EIF4G3: variants seen among roughly 807,000 people sequenced by gnomAD.
The protein encoded by EIF4G3 is eukaryotic translation initiation factor 4 gamma 3, also known as eIF-4-gamma 3.
In EIF4G3, 34 loss-of-function variants were observed where a neutral mutation model predicts 186.4. The ratio of observed to expected loss-of-function variants is 0.18; its 90% CI spans 0.14 to 0.24. EIF4G3 has a LOEUF of 0.24. Among genes scored for constraint, EIF4G3 ranks in the 10% least tolerant of loss-of-function variants. The probability of loss-of-function intolerance (pLI) is 1.00; values close to 1 mark genes in which losing one functional copy is unlikely to be tolerated. For missense variants in EIF4G3, 1,536 were observed against 1,948.5 expected (o/e 0.79, Z 3.99); for synonymous variants, 673 against 679.5 (o/e 0.99, Z 0.15).
chr1:21,097,536 AG>A (rs1291970204), intron 2 of EIF4G3, among the ~76,000 whole-genome samples: 1 of 152,198 alleles, frequency 6.6e-6, no homozygotes, highest in African/African-American at 2.4e-5. Flanking sequence ...ACCAAAAGGA[AG>A]GGGGCATTAG....
In EIF4G3 at chr1:21,021,165, G is replaced by A. The variant is rs976073098; in HGVS notation, c.-66-18357C>T. 2.0e-5 allele frequency among the ~76,000 whole-genome samples: 3 copies of A among 152,170 alleles called. No individual in the cohort carries two copies. The South Asian group carries it at 6.2e-4, about 32-fold the overall frequency. ...CCCCCAGTTAATTTTTGAATTTTTAGTAGACACAGTGTTTTGCCATGTTGG... is the reference window on the plus strand; with the variant it reads ...CCCCCAGTTAATTTTTGAATTTTTAATAGACACAGTGTTTTGCCATGTTGG... On this transcript the variant is annotated intron_variant, in intron 4 of 36. Transcript: ENST00000602326.
intron 4 of EIF4G3, among the ~76,000 whole-genome samples, chr1:21,043,868 CGCAAA>C (rs1557676983): frequency 4.9e-5 from 1 of 20,300 alleles, no homozygotes. Flanking sequence ...GAAACCTTGG[CGCAAA>C]AAAAAAAAAA....
intron 19 of EIF4G3, among the ~76,000 whole-genome samples, chr1:20,883,345 G>T (rs1309058358): frequency 6.6e-6 from 1 of 152,166 alleles, no homozygotes; most frequent in Non-Finnish European, 1.5e-5. Flanking sequence ...AGGGCCGGGG[G>T]TGGTGGCTCA....
At chr1:21,176,077 G>A (rs2098097798) in intron 2 of EIF4G3, 98 bp downstream of exon 2, 2 of 253,456 alleles carry the variant, frequency 7.9e-6, no homozygotes, top group East Asian at 7.9e-5. Context: ...TTTCCTGGCT[G>A]GGCTGTGGCG....
Position 20,904,876 on chromosome 1 carries a change from TG to T in EIF4G3, c.1752+6del. On this transcript the variant is annotated splice_donor_region_variant and intron_variant, in intron 15 of 36. Coordinates refer to ENST00000602326, the MANE Select transcript of EIF4G3 (RefSeq NM_001391906.1). ...GCTCTGAATATGAACTTAAGAGATTTGCTTACCTCCAATTCTGCCTCTAACA... is the reference window on the plus strand; with the variant it reads ...GCTCTGAATATGAACTTAAGAGATTTCTTACCTCCAATTCTGCCTCTAACA... 1 of 1,611,148 alleles carries T rather than the reference TG, an allele frequency of 6.2e-7. No individual in the cohort carries two copies. Among genetic ancestry groups the T allele is most frequent in the South Asian group, 1.1e-5 (1 of 90,978 alleles).
chr1:20,884,160 A>C (rs767183460), intron 19 of EIF4G3, among the ~76,000 whole-genome samples: 2 of 152,236 alleles, frequency 1.3e-5, no homozygotes, highest in Non-Finnish European at 2.9e-5. Context: ...TGGCTCTGTA[A>C]AGGAATTTTA....
intron 4 of EIF4G3, among the ~76,000 whole-genome samples, chr1:21,006,226 C>A (rs1479212961): frequency 1.3e-5 from 2 of 152,152 alleles, no homozygotes; most frequent in African/African-American, 4.8e-5. Flanking sequence ...ATGACTTATT[C>A]TAGAATAATT....
chr1:20,939,005 G>T (rs1020527928), intron 14 of EIF4G3, among the ~76,000 whole-genome samples: 1 of 151,830 alleles, frequency 6.6e-6, no homozygotes. Flanking sequence ...TACTCAGGAG[G>T]CTGAGGCAGG....
chr1:20,950,229 G>A, intron 12 of EIF4G3, 118 bp from the exon 13 acceptor site: 51 of 557,400 alleles, frequency 9.1e-5, no homozygotes, highest in South Asian at 4.1e-4. Context: ...AATTAAAAAA[G>A]GAAAGCAAGG....
intron 3 of EIF4G3, among the ~76,000 whole-genome samples, chr1:21,081,411 C>T (rs1465316270): frequency 3.3e-5 from 5 of 151,940 alleles, no homozygotes; most frequent in African/African-American, 9.7e-5. Flanking sequence ...CCAGCCTGGG[C>T]GACAGAGTGA....
chr1:20,853,698 GA>G (rs1161472105), intron 26 of EIF4G3, 21 bp from the exon 27 acceptor site: 1 of 1,553,350 alleles, frequency 6.4e-7, no homozygotes, highest in Admixed American at 1.7e-5. Flanking sequence ...CGAGGATTTA[GA>G]AAAAAATACA....
At chr1:20,906,402 T>C (rs544321132) in intron 14 of EIF4G3, among the ~76,000 whole-genome samples, 8 of 152,354 alleles carry the variant, frequency 5.3e-5, no homozygotes, top group Admixed American at 1.3e-4. Context: ...TTAGGAGTTA[T>C]AGAGTTCAGA....
At chr1:20,999,522 C>G (rs539682806) in intron 6 of EIF4G3, among the ~76,000 whole-genome samples, 33 of 152,156 alleles carry the variant, frequency 2.2e-4, no homozygotes, top group African/African-American at 7.7e-4. Flanking sequence ...AGAAAATGTC[C>G]CATTTTCAAG....
chr1:20,869,408 G>GTACC (rs1205685907), intron 20 of EIF4G3, among the ~76,000 whole-genome samples: 2 of 146,602 alleles, frequency 1.4e-5, no homozygotes, highest in African/African-American at 5.1e-5. Context: ...TGTCTCCTGA[G>GTACC]TACCTGTCTC....
intron 16 of EIF4G3, 132 bp downstream of exon 16, chr1:20,899,565 A>C: frequency 1.7e-6 from 2 of 1,172,452 alleles, no homozygotes; most frequent in Non-Finnish European, 2.4e-6. Flanking sequence ...GGGCTTGCTG[A>C]TCTGTCCTGT....
chr1:20,965,217 T>C (rs1004956224), intron 12 of EIF4G3, among the ~76,000 whole-genome samples: 1 of 152,080 alleles, frequency 6.6e-6, no homozygotes, highest in African/African-American at 2.4e-5. Context: ...TAGATAAAAA[T>C]CACAATGGCT....
intron 18 of EIF4G3, among the ~76,000 whole-genome samples, chr1:20,890,683 G>A (rs571490214): frequency 7.9e-5 from 12 of 151,620 alleles, no homozygotes; most frequent in South Asian, 2.1e-4. Context: ...CTTGAACTCC[G>A]GGACTCTAGC....
chr1:21,007,352 C>T (rs112983114), intron 4 of EIF4G3, among the ~76,000 whole-genome samples: 4 of 151,590 alleles, frequency 2.6e-5, no homozygotes, highest in African/African-American at 9.7e-5. Context: ...GAAACAAGAT[C>T]GCACCACTGC....
chr1:20,982,254 G>A, intron 8 of EIF4G3, 134 bp downstream of exon 8: 2 of 675,984 alleles, frequency 3.0e-6, no homozygotes, highest in Non-Finnish European at 4.6e-6. Context: ...TTCACTGCAA[G>A]ATTAAAAGCC....
Sources: gnomAD v4.1 joint callset for allele counts (sites outside exome capture counted in the v4.1 genomes callset) on GRCh38, gnomAD v4.1.1 for gene constraint, MANE v1.5 for transcripts, NCBI Gene and HGNC (gene_info 2026-07-23, HGNC 2026-07-21) for gene names.